The following HCN1 variants were observed in gnomAD, a reference collection of about 807,000 sequenced individuals.
HCN1 encodes the protein hyperpolarization activated cyclic nucleotide gated potassium channel 1.
In HCN1, 13 loss-of-function variants were observed where a neutral mutation model predicts 78.9. The observed-to-expected ratio is 0.16, with a 90% CI of 0.11 to 0.26. HCN1 has a LOEUF of 0.26. Ranked by LOEUF, HCN1 falls within the 10% of genes least tolerant of loss-of-function variation. The pLI is 1.00. For missense variants in HCN1, 810 were observed against 1,154.3 expected, an observed-to-expected ratio of 0.70 and a Z score of 4.32; for synonymous variants, 552 against 455.5, an observed-to-expected ratio of 1.21 and a Z score of -2.70.
chr5:45,516,522 C>T (rs1742519415), intron 2 of HCN1, among the ~76,000 whole-genome samples: 1 of 151,896 alleles, frequency 6.6e-6, no homozygotes, highest in African/African-American at 2.4e-5. Flanking sequence ...ATAAAACTTC[C>T]TCCAATTAAA....
chr5:45,346,693 C>T (rs887640497), intron 5 of HCN1, among the ~76,000 whole-genome samples: 7 of 152,176 alleles, frequency 4.6e-5, no homozygotes, highest in East Asian at 1.9e-4. Context: ...GCTTAAAAAC[C>T]GGCACACCAG....
chr5:45,348,121 T>C (rs1243797226), intron 5 of HCN1, among the ~76,000 whole-genome samples: 7 of 152,024 alleles, frequency 4.6e-5, no homozygotes, highest in Admixed American at 4.6e-4. Context: ...GAGAGAAAGG[T>C]CGGATTACCC....
At chr5:45,639,632 G>C (rs1367193612) in intron 2 of HCN1, among the ~76,000 whole-genome samples, 1 of 152,062 alleles carries the variant, frequency 6.6e-6, no homozygotes, top group African/African-American at 2.4e-5. Context: ...AGACTTCATA[G>C]AAGGCCTTAT....
intron 5 of HCN1, among the ~76,000 whole-genome samples, chr5:45,338,469 G>A (rs1746509644): frequency 1.3e-5 from 2 of 152,124 alleles, no homozygotes; most frequent in South Asian, 4.1e-4. Context: ...TATTAGATGT[G>A]TGTATACACA....
rs150988376 is a variant in HCN1 at position 45,544,403 on chromosome 5, T to G, written c.850-82396A>C. Among the ~76,000 whole-genome samples the G allele has an allele frequency of 1.1e-3, 174 of 152,126 alleles. 1 individual carries two copies. Among genetic ancestry groups the G allele is most frequent in the East Asian group, 8.1e-3 (42 of 5,170 alleles). Reference sequence around the variant, plus strand: ...TTTCTACTTGTTCGTATTTAGAAAATCACCAGTTACCTCCTATTTGACAAA... The same window carrying G: ...TTTCTACTTGTTCGTATTTAGAAAAGCACCAGTTACCTCCTATTTGACAAA... On this transcript the variant is annotated intron_variant, in intron 2 of 7. Transcript: ENST00000303230.
intron 2 of HCN1, among the ~76,000 whole-genome samples, chr5:45,519,992 A>C (rs1466274799): frequency 2.0e-5 from 3 of 152,054 alleles, no homozygotes; most frequent in African/African-American, 7.2e-5. Flanking sequence ...ACTTGAATTC[A>C]TTGCCACAAA....
intron 2 of HCN1, among the ~76,000 whole-genome samples, chr5:45,553,527 C>T (rs1020388416): frequency 6.6e-6 from 1 of 151,764 alleles, no homozygotes; most frequent in African/African-American, 2.4e-5. Context: ...TAAAGTTGTC[C>T]CTTGGTATCC....
At chr5:45,363,750 CAG>C (rs1018822789) in intron 4 of HCN1, among the ~76,000 whole-genome samples, 2 of 151,942 alleles carry the variant, frequency 1.3e-5, no homozygotes, top group Admixed American at 6.6e-5. Context: ...ACGGGTTTAT[CAG>C]GGGTTTCCGC....
At chr5:45,530,949 T>C (rs1217436061) in intron 2 of HCN1, among the ~76,000 whole-genome samples, 1 of 152,066 alleles carries the variant, frequency 6.6e-6, no homozygotes, top group African/African-American at 2.4e-5. Flanking sequence ...AAAAGACTAA[T>C]GGTGGTGGTG....
chr5:45,645,693 T>G (rs1015959234), intron 1 of HCN1, 85 bp from the exon 2 acceptor site: 6 of 729,362 alleles, frequency 8.2e-6, no homozygotes, highest in Non-Finnish European at 1.3e-5. Flanking sequence ...TGATATATAG[T>G]GAGATCAATA....
intron 2 of HCN1, among the ~76,000 whole-genome samples, chr5:45,545,321 A>C (rs1203612827): frequency 6.6e-6 from 1 of 151,964 alleles, no homozygotes; most frequent in African/African-American, 2.4e-5. Context: ...AAATTTGTTT[A>C]AGTTCTTTGT....
chr5:45,356,344 T>C (rs893502847), intron 4 of HCN1, among the ~76,000 whole-genome samples: 2 of 151,866 alleles, frequency 1.3e-5, no homozygotes, highest in African/African-American at 4.8e-5. Flanking sequence ...AATTCTAATA[T>C]ATTTTTATTT....
intron 2 of HCN1, among the ~76,000 whole-genome samples, chr5:45,496,431 T>G (rs914258529): frequency 1.3e-5 from 2 of 152,148 alleles, no homozygotes; most frequent in Non-Finnish European, 2.9e-5. Flanking sequence ...TGAAATAGTT[T>G]CAGAAGGAAT....
chr5:45,616,370 AG>A (rs1386454920), intron 2 of HCN1, among the ~76,000 whole-genome samples: 3 of 152,016 alleles, frequency 2.0e-5, no homozygotes, highest in African/African-American at 7.2e-5. Context: ...AAGGGCTGAG[AG>A]TGCGCCTAAA....
chr5:45,636,593 A>AT (rs1198380610), intron 2 of HCN1, among the ~76,000 whole-genome samples: 1 of 152,104 alleles, frequency 6.6e-6, no homozygotes, highest in African/African-American at 2.4e-5. Flanking sequence ...CGTGCTTGTA[A>AT]TTGAAGTGTT....
intron 2 of HCN1, among the ~76,000 whole-genome samples, chr5:45,488,348 A>C (rs1265638417): frequency 1.3e-5 from 2 of 152,140 alleles, no homozygotes; most frequent in African/African-American, 4.8e-5. Context: ...TAGACACTGA[A>C]AGGCATTTAG....
At chr5:45,314,918 T>C (rs1471874836) in intron 5 of HCN1, among the ~76,000 whole-genome samples, 1 of 152,046 alleles carries the variant, frequency 6.6e-6, no homozygotes, top group East Asian at 1.9e-4. Context: ...ATAAAGCAAG[T>C]CCTTAGAGAC....
intron 2 of HCN1, among the ~76,000 whole-genome samples, chr5:45,565,839 T>C (rs1196967170): frequency 6.6e-6 from 1 of 152,128 alleles, no homozygotes; most frequent in Non-Finnish European, 1.5e-5. Flanking sequence ...AATAATTAAG[T>C]ATTCTATTTG....
At chr5:45,533,496 C>T (rs1203717068) in intron 2 of HCN1, among the ~76,000 whole-genome samples, 1 of 152,180 alleles carries the variant, frequency 6.6e-6, no homozygotes, top group Non-Finnish European at 1.5e-5. Flanking sequence ...CCCAGCTCTT[C>T]CTTTGTCAAG....
Sources: gnomAD v4.1 joint callset for allele counts (sites outside exome capture counted in the v4.1 genomes callset) on GRCh38, gnomAD v4.1.1 for gene constraint, MANE v1.5 for transcripts, NCBI Gene and HGNC (gene_info 2026-07-23, HGNC 2026-07-21) for gene names.